Variants in CELA2B observed in about 807,000 individuals in gnomAD.
CELA2B encodes chymotrypsin like elastase 2B.
In CELA2B, 27 loss-of-function variants were observed where a neutral mutation model predicts 36.5. The ratio of observed to expected loss-of-function variants is 0.74; its 90% CI spans 0.55 to 1.02. The LOEUF is 1.02. Ranked by LOEUF, CELA2B falls within the 50% of genes least tolerant of loss-of-function variation. The pLI, the probability that CELA2B is intolerant of heterozygous loss-of-function variation, is 0.00. For synonymous variants in CELA2B, 143 were observed against 148.5 expected, an observed-to-expected ratio of 0.96 and a Z score of 0.27; for missense variants, 340 against 347.8, an observed-to-expected ratio of 0.98 and a Z score of 0.18.
chr1:15,482,712 T>C (rs1475510285), intron 4 of CELA2B, among the ~76,000 whole-genome samples: 1 of 152,192 alleles, frequency 6.6e-6, no homozygotes, highest in Non-Finnish European at 1.5e-5. Flanking sequence ...ACCCTGTGAC[T>C]GTCCCTGGAG....
rs1344224798 is a variant in CELA2B, at chr1:15,487,365, C to T, written c.720C>T (p.Val240=). ...EVHGIGSLTS[V]LGCNYYYKPS... is the part of the protein sequence containing the mutation. ...ATGGCATCGGCAGCCTCACGTCGGT[C>T]CTTGGTTGCAACTACTACTACAAGC... Residue 240 remains valine, a synonymous_variant, in exon 7 of 8, where the codon GTC becomes GTT. Transcript: ENST00000375910. 3 of 1,614,106 alleles carry T rather than the reference C, an allele frequency of 1.9e-6. No individual in the cohort carries two copies. In the African/African-American group the frequency reaches 4.0e-5, roughly 22 times the overall value.
chr1:15,476,349 T>C, intron 1 of CELA2B, 108 bp from the exon 2 acceptor site: 1 of 1,405,994 alleles, frequency 7.1e-7, no homozygotes, highest in East Asian at 2.3e-5. Context: ...CCTCTTGGGA[T>C]CCTTCTAGAA....
At position 15,476,131 on chromosome 1, in the gene CELA2B, T is replaced by C; in HGVS notation, c.6T>C (p.Ile2=). The change falls in exon 1 of 8, where the codon ATT becomes ATC. Residue 2 remains isoleucine (I), a synonymous_variant. Coordinates refer to ENST00000375910, the MANE Select transcript of CELA2B (RefSeq NM_015849.3). ...AGAACTCCCACGGACACACCATGAT[T>C]AGGACCCTGCTGCTGTCCACTTTGG... M[I]RTLLLSTLVA... is the part of the protein sequence containing the mutation. The C allele has an allele frequency of 1.2e-6, 2 of 1,614,108 alleles. No individual in the cohort carries two copies. Among genetic ancestry groups the C allele is most frequent in the Non-Finnish European group, 1.7e-6 (2 of 1,180,018 alleles).
chr1:15,483,175 G>C (rs542332918), intron 4 of CELA2B, 89 bp from the exon 5 acceptor site: 2 of 1,581,024 alleles, frequency 1.3e-6, no homozygotes, highest in African/African-American at 1.3e-5. Flanking sequence ...AACGTACAGG[G>C]AAGATGACAA....
chr1:15,485,920 T>C lies in CELA2B; in HGVS notation c.513T>C (p.Asp171=), dbSNP rs768903430. ...ATTCAGCCAACGGGGCTCTCCCTGA[T>C]GACCTGAAGCAGGGCCAGTTGCTGG... ...GRLQTNGALP[D]DLKQGQLLVV... The change falls in exon 6 of 8, where the codon GAT becomes GAC. Residue 171 remains aspartate (D), a synonymous_variant. Coordinates refer to ENST00000375910, the MANE Select transcript of CELA2B (RefSeq NM_015849.3). 1.1e-5 allele frequency: 18 copies of C among 1,614,102 alleles called. No individual in the cohort carries two copies. The highest frequency in any genetic ancestry group is 2.5e-6 in the Non-Finnish European group (3 of 1,180,044).
chr1:15,476,581 C>G (rs770231915), intron 2 of CELA2B, 36 bp downstream of exon 2: 25 of 1,587,476 alleles, frequency 1.6e-5, no homozygotes, highest in Admixed American at 6.7e-5. Context: ...CCCGTCCCTG[C>G]CCCACTCCCT....
chr1:15,479,951 G>A (rs1557523921), intron 2 of CELA2B, among the ~76,000 whole-genome samples: 1 of 152,130 alleles, frequency 6.6e-6, no homozygotes, highest in Non-Finnish European at 1.5e-5. Context: ...GAGAGGCCAC[G>A]GAGAGCCTAG....
rs1165336317 is a variant in CELA2B, at chr1:15,486,011, T to G, written c.604T>G (p.Cys202Gly). 6.2e-7 allele frequency: 1 copy of G among 1,614,166 alleles called. No homozygotes were observed. The highest frequency in any genetic ancestry group is 8.5e-7 in the Non-Finnish European group (1 of 1,180,018). ...CAGCACCGTGAAGACGAATATGATC[T>G]GTGCTGGGGGTGATGGCGTGATATG... ...WGSTVKTNMICAGGDGVICTC... is the reference protein window; with the variant it reads ...WGSTVKTNMIGAGGDGVICTC... Residue 202 changes from cysteine to glycine, a missense_variant, in exon 6 of 8, where the codon TGT (cysteine) becomes GGT (glycine). Physicochemically the swap from Cys to Gly is radical, Grantham distance 159. Transcript: ENST00000375910.
At position 15,476,504 on chromosome 1, in the gene CELA2B, C is replaced by T. The variant is rs550716870; in HGVS notation, c.88C>T (p.Leu30Phe). The part of the protein sequence containing the change: ...STYAPDMSRM[L>F]GGEEARPNSW... Reference sequence around the variant, plus strand: ...TTACGCGCCTGATATGTCTAGGATGCTTGGAGGTGAAGAAGCGAGGCCCAA... The same window carrying T: ...TTACGCGCCTGATATGTCTAGGATGTTTGGAGGTGAAGAAGCGAGGCCCAA... The change falls in exon 2 of 8, where the codon CTT becomes TTT. Residue 30 changes from leucine (L) to phenylalanine (F), a missense_variant. Transcript: ENST00000375910. The T allele has an allele frequency of 4.4e-5, 71 of 1,614,108 alleles. 1 individual carries two copies. The Middle Eastern group carries it at 6.6e-4, about 15-fold the overall frequency.
At position 15,486,018 on chromosome 1, in the gene CELA2B, G is replaced by C. The variant is rs774581420; in HGVS notation, c.611G>C (p.Gly204Ala). The change falls in exon 6 of 8, where the codon GGG (glycine) becomes GCG (alanine). Residue 204 changes from glycine to alanine, a missense_variant. Coordinates refer to ENST00000375910, the MANE Select transcript of CELA2B (RefSeq NM_015849.3). The stretch of plus-strand genomic sequence containing the variant: ...GTGAAGACGAATATGATCTGTGCTG[G>C]GGGTGATGGCGTGATATGCACCTGC... ...STVKTNMICA[G>A]GDGVICTCNG... The C allele has an allele frequency of 1.7e-5, 28 of 1,614,108 alleles. No individual in the cohort carries two copies. The highest frequency in any genetic ancestry group is 1.6e-4 in the Middle Eastern group (1 of 6,062).
chr1:15,489,869 ATTG>A (rs1322784644), intron 7 of CELA2B, among the ~76,000 whole-genome samples: 1 of 152,012 alleles, frequency 6.6e-6, no homozygotes, highest in Non-Finnish European at 1.5e-5. Flanking sequence ...AGAGGTAATC[ATTG>A]TTTTTGTTTT....
chr1:15,482,217 A>C, intron 3 of CELA2B, 48 bp from the exon 4 acceptor site: 1 of 1,605,676 alleles, frequency 6.2e-7, no homozygotes, highest in Non-Finnish European at 8.5e-7. Flanking sequence ...CATTATTCAA[A>C]GCCAGGCCTC....
chr1:15,481,010 CCCT>C (rs1708735171), intron 2 of CELA2B, 85 bp from the exon 3 acceptor site: 1 of 1,478,830 alleles, frequency 6.8e-7, no homozygotes, highest in African/African-American at 1.4e-5. Context: ...CTCCCCCTTA[CCCT>C]TGTCCCAGCC....
rs1490561979 is a variant in CELA2B at position 15,478,687 on chromosome 1, T to A, written c.129+2142T>A. On this transcript the variant is annotated intron_variant, in intron 2 of 7. Coordinates refer to ENST00000375910, the MANE Select transcript of CELA2B (RefSeq NM_015849.3). ...TTCAAGCAATTCTCCTGCCTCAGCCTCCTGAGTACCTAGAATTAGAGATGT... is the reference window on the plus strand; with the variant it reads ...TTCAAGCAATTCTCCTGCCTCAGCCACCTGAGTACCTAGAATTAGAGATGT... Among the ~76,000 whole-genome samples the A allele has an allele frequency of 2.0e-5, 3 of 151,332 alleles. No individual in the cohort carries two copies. In the Admixed American group the frequency reaches 2.0e-4, roughly 10 times the overall value.
chr1:15,487,518 G>A (rs1708820751), intron 7 of CELA2B, 81 bp downstream of exon 7: 1 of 1,542,468 alleles, frequency 6.5e-7, no homozygotes, highest in South Asian at 1.2e-5. Flanking sequence ...CCTGGCGACT[G>A]AGAACCCCCT....
Position 15,478,165 on chromosome 1 carries a change from G to A in CELA2B, c.129+1620G>A, listed in dbSNP as rs184646857. On this transcript the variant is annotated intron_variant, in intron 2 of 7. Transcript: ENST00000375910. ...ACAAAAATTAGCCAGGCATGATTGCGGGCACCTGTAATACCAGCTACTTGG... is the reference window on the plus strand; with the variant it reads ...ACAAAAATTAGCCAGGCATGATTGCAGGCACCTGTAATACCAGCTACTTGG... Among the ~76,000 whole-genome samples the A allele has an allele frequency of 2.9e-3, 444 of 151,762 alleles. 3 individuals carry two copies. Among genetic ancestry groups the A allele is most frequent in the African/African-American group, 9.8e-3 (406 of 41,228 alleles).
At chr1:15,479,607 C>T (rs529824694) in intron 2 of CELA2B, among the ~76,000 whole-genome samples, 3 of 152,208 alleles carry the variant, frequency 2.0e-5, no homozygotes, top group South Asian at 2.1e-4. Context: ...ACTAATAACA[C>T]GCCGGAAAAC....
At chr1:15,476,694 C>T (rs572914473) in intron 2 of CELA2B, 149 bp downstream of exon 2, 3 of 773,936 alleles carry the variant, frequency 3.9e-6, no homozygotes, top group East Asian at 5.3e-5. Context: ...CAACAAGATA[C>T]ATTTCCAGCT....
chr1:15,487,530 C>T (rs1324656256), intron 7 of CELA2B, 93 bp downstream of exon 7: 7 of 1,510,926 alleles, frequency 4.6e-6, no homozygotes, highest in Middle Eastern at 2.0e-4. Flanking sequence ...GAACCCCCTC[C>T]TTCCTCTTGA....
Sources: allele counts gnomAD v4.1 joint callset (sites outside exome capture counted in the v4.1 genomes callset), GRCh38; gene constraint gnomAD v4.1.1; transcripts MANE v1.5; gene names NCBI Gene and HGNC (gene_info 2026-07-23, HGNC 2026-07-21).